Variants in MMP26 observed in about 807,000 individuals in gnomAD.
The protein encoded by MMP26 is matrix metalloproteinase-26.
In MMP26, 33 loss-of-function variants were observed where a neutral mutation model predicts 31.0. The ratio of observed to expected loss-of-function variants is 1.06; its 90% CI spans 0.81 to 1.42. The LOEUF (loss-of-function observed/expected upper bound fraction) is 1.42, where lower values mean the gene tolerates loss of function less well. Among genes scored for constraint, MMP26 ranks in the 40% most tolerant of loss-of-function variants. The pLI, the probability that MMP26 is intolerant of heterozygous loss-of-function variation, is 0.00. For synonymous variants in MMP26, 122 were observed against 114.9 expected, an observed-to-expected ratio of 1.06 and a Z score of -0.40; for missense variants, 347 against 316.1, an observed-to-expected ratio of 1.10 and a Z score of -0.74.
At chr11:4,890,976 T>A (rs1850610350) in intron 2 of MMP26, among the ~76,000 whole-genome samples, 1 of 125,960 alleles carries the variant, frequency 7.9e-6, no homozygotes, top group Non-Finnish European at 1.6e-5. Context: ...TGGAATGAAC[T>A]CAGAATAATA....
At chr11:4,748,548 T>C (rs1848408858) in intron 1 of MMP26, among the ~76,000 whole-genome samples, 1 of 136,848 alleles carries the variant, frequency 7.3e-6, no homozygotes, top group African/African-American at 2.8e-5. Flanking sequence ...CTTAACAAAA[T>C]ACTAGCAAAC....
chr11:4,711,763 C>T (rs886571060), intron 1 of MMP26: 2 of 152,196 alleles, frequency 1.3e-5, no homozygotes, highest in Admixed American at 6.5e-5. Flanking sequence ...ATGGAACCCA[C>T]AAATTTGCAT....
intron 2 of MMP26, chr11:4,860,049 A>T (rs1255879300): frequency 2.1e-6 from 1 of 471,148 alleles, no homozygotes; most frequent in South Asian, 1.5e-5. Flanking sequence ...AGACATTGGA[A>T]TGGCAGAAGG....
chr11:4,882,817 C>T, intron 2 of MMP26: 1 of 1,613,770 alleles, frequency 6.2e-7, no homozygotes, highest in South Asian at 1.1e-5. Flanking sequence ...AGGCTATGTT[C>T]CAGCTGCTCC....
chr11:4,906,662 C>G (rs894241442), intron 2 of MMP26, among the ~76,000 whole-genome samples: 8 of 152,128 alleles, frequency 5.3e-5, no homozygotes, highest in Non-Finnish European at 1.0e-4. Context: ...ACATAAAGCT[C>G]AGAGATTTTA....
At chr11:4,805,504 CA>C (rs549360554) in intron 2 of MMP26, among the ~76,000 whole-genome samples, 22 of 152,154 alleles carry the variant, frequency 1.4e-4, no homozygotes, top group Non-Finnish European at 2.4e-4. Context: ...AAATGGGTTG[CA>C]AGCAGGTGTT....
chr11:4,977,955 T>C (rs1246834736), intron 2 of MMP26, among the ~76,000 whole-genome samples: 1 of 152,006 alleles, frequency 6.6e-6, no homozygotes, highest in East Asian at 1.9e-4. Flanking sequence ...GGTGTCCAGG[T>C]GTCCAGGGAA....
chr11:4,803,806 C>T (rs765100364), intron 2 of MMP26: 2 of 1,612,926 alleles, frequency 1.2e-6, no homozygotes, highest in African/African-American at 1.3e-5. Context: ...TGTATCAGCA[C>T]ACACCAACTT....
At chr11:4,737,434 G>A (rs1214914374) in intron 1 of MMP26, among the ~76,000 whole-genome samples, 2 of 151,990 alleles carry the variant, frequency 1.3e-5, no homozygotes, top group Non-Finnish European at 2.9e-5. Flanking sequence ...ACCTGAGGTC[G>A]GGAGTTTGAG....
chr11:4,895,820 C>T (rs1240424803), intron 2 of MMP26, among the ~76,000 whole-genome samples: 2 of 152,150 alleles, frequency 1.3e-5, no homozygotes, highest in South Asian at 2.1e-4. Flanking sequence ...GTCCTAGCTA[C>T]TCAGGAGGGT....
chr11:4,837,163 T>C (rs997678606), intron 2 of MMP26, among the ~76,000 whole-genome samples: 3 of 152,126 alleles, frequency 2.0e-5, no homozygotes, highest in African/African-American at 4.8e-5. Flanking sequence ...TGCTATTTTG[T>C]CATTATTTTT....
chr11:4,986,123 C>T (rs1189346414), intron 2 of MMP26, among the ~76,000 whole-genome samples: 2 of 152,162 alleles, frequency 1.3e-5, no homozygotes, highest in Admixed American at 6.5e-5. Context: ...TGAAGTATTT[C>T]GTTAATAGAT....
At chr11:4,862,369 A>G (rs1244817363) in intron 2 of MMP26, among the ~76,000 whole-genome samples, 2 of 152,158 alleles carry the variant, frequency 1.3e-5, no homozygotes, top group Admixed American at 6.5e-5. Context: ...ATTTTTCCCT[A>G]TTAGTGCAAT....
chr11:4,709,335 T>C (rs1312545661), intron 1 of MMP26, among the ~76,000 whole-genome samples: 3 of 152,180 alleles, frequency 2.0e-5, no homozygotes, highest in Admixed American at 6.5e-5. Flanking sequence ...ATAATGGGAA[T>C]CTTGCTAAAA....
chr11:4,870,215 G>T (rs1282714372), intron 2 of MMP26, among the ~76,000 whole-genome samples: 1 of 151,996 alleles, frequency 6.6e-6, no homozygotes, highest in Non-Finnish European at 1.5e-5. Flanking sequence ...GGAACTTAAA[G>T]TATGATAATA....
intron 2 of MMP26, among the ~76,000 whole-genome samples, chr11:4,984,399 C>T (rs1846857305): frequency 2.6e-5 from 4 of 152,146 alleles, no homozygotes; most frequent in South Asian, 4.1e-4. Context: ...ACAGCGTATG[C>T]GCTCAATAAG....
rs112633892 is a variant in MMP26 at position 4,910,654 on chromosome 11, G to T, written c.-144-77414G>T. Among the ~76,000 whole-genome samples, 540 of 152,110 alleles carry T rather than the reference G, an allele frequency of 3.6e-3. 4 individuals carry two copies. Among genetic ancestry groups the T allele is most frequent in the African/African-American group, 0.012 (519 of 41,530 alleles). ...CTACACCATAATTTAAAATAAATAT[G>T]AGCCTTTAATTGTTTAAAGATTGCT... On this transcript the variant is annotated intron_variant, in intron 2 of 7. Coordinates refer to ENST00000380390, the MANE Select transcript of MMP26 (RefSeq NM_021801.5).
intron 2 of MMP26, among the ~76,000 whole-genome samples, chr11:4,815,815 A>G (rs948789834): frequency 2.6e-5 from 4 of 152,220 alleles, no homozygotes; most frequent in African/African-American, 7.2e-5. Context: ...GTTGCACAAA[A>G]TATGGCCTCA....
chr11:4,793,668 C>T (rs1849063335), intron 2 of MMP26: 1 of 152,094 alleles, frequency 6.6e-6, no homozygotes, highest in Non-Finnish European at 1.5e-5. Flanking sequence ...TGAAATTTTC[C>T]TTAAATAAAA....
Sources: allele counts gnomAD v4.1 joint callset (sites outside exome capture counted in the v4.1 genomes callset), GRCh38; gene constraint gnomAD v4.1.1; transcripts MANE v1.5; gene names NCBI Gene and HGNC (gene_info 2026-07-23, HGNC 2026-07-21).